PFKP: variants seen among roughly 807,000 people sequenced by gnomAD.
The protein encoded by PFKP is phosphofructokinase, platelet, also known as ATP-dependent 6-phosphofructokinase, platelet type.
A neutral mutation model predicts 94.3 loss-of-function variants in PFKP; 101 were observed. That is an observed-to-expected ratio of 1.07 (90% CI 0.91 to 1.26). PFKP has a LOEUF of 1.26. PFKP is among the 50% of genes most tolerant of loss of function. The pLI is 0.00. For missense variants in PFKP, 1,145 were observed against 1,103.3 expected, an observed-to-expected ratio of 1.04 and a Z score of -0.53; for synonymous variants, 573 against 432.6, an observed-to-expected ratio of 1.32 and a Z score of -4.03.
chr10:3,089,088 C>T (rs183970082), intron 2 of PFKP, among the ~76,000 whole-genome samples: 113 of 152,266 alleles, frequency 7.4e-4, no homozygotes, highest in Admixed American at 4.1e-3. Context: ...CCCACCACCA[C>T]GCCTGGCTAA....
chr10:3,116,742 A>C, intron 13 of PFKP, 34 bp from the exon 14 acceptor site: 1 of 1,546,302 alleles, frequency 6.5e-7, no homozygotes, highest in Non-Finnish European at 8.9e-7. Flanking sequence ...TTCATTGTTC[A>C]CTTTAGCTGT....
At chr10:3,106,432 C>T (rs1235931368) in intron 7 of PFKP, among the ~76,000 whole-genome samples, 1 of 145,804 alleles carries the variant, frequency 6.9e-6, no homozygotes, top group African/African-American at 2.5e-5. Context: ...GCCTGTGGGG[C>T]GTCCACCTGT....
chr10:3,126,728 T>G (rs1837987526), intron 16 of PFKP, among the ~76,000 whole-genome samples: 2 of 152,264 alleles, frequency 1.3e-5, no homozygotes, highest in African/African-American at 2.4e-5. Context: ...CCACCTTTTC[T>G]TTCACCACCA....
intron 2 of PFKP, among the ~76,000 whole-genome samples, chr10:3,089,209 C>T (rs1361932218): frequency 6.6e-6 from 1 of 152,184 alleles, no homozygotes; most frequent in East Asian, 1.9e-4. Context: ...GCCGGGATTA[C>T]AAGCATGAAC....
chr10:3,136,655 C>G lies in PFKP; in HGVS notation c.*76C>G, dbSNP rs576412352. 6.0e-6 allele frequency: 9 copies of G among 1,504,580 alleles called. No homozygotes were observed. In the Admixed American group the frequency reaches 7.2e-5, roughly 12 times the overall value. 93.2% of individuals were successfully genotyped at this position (1,504,580 alleles called of 1,614,324 possible). The stretch of plus-strand genomic sequence containing the variant: ...TAACACTTAAGTTATTTTATCAGCA[C>G]TTTATGCACGTATTATTGACATTAA... On this transcript the variant is annotated 3_prime_UTR_variant, in exon 22 of 22. Coordinates refer to ENST00000381125, the MANE Select transcript of PFKP (RefSeq NM_002627.5).
rs200148092 is a variant in PFKP, at chr10:3,077,468, C to G, written c.113-4920C>G. Among the ~76,000 whole-genome samples, 963 of 151,620 alleles carry G rather than the reference C, an allele frequency of 6.4e-3. 3 individuals are homozygous for G. The highest frequency in any genetic ancestry group is 0.013 in the South Asian group (64 of 4,796). The stretch of plus-strand genomic sequence containing the variant: ...TTTTTAGTAGAGATGGGGTTTCACC[C>G]TGTTAGCCAGGATGGTCTCGATCTC... On this transcript the variant is annotated intron_variant, in intron 1 of 21. Coordinates refer to ENST00000381125, the MANE Select transcript of PFKP (RefSeq NM_002627.5).
intron 1 of PFKP, among the ~76,000 whole-genome samples, chr10:3,077,316 T>C (rs7079667): frequency 0.041 from 5,583 of 136,004 alleles, 130 homozygotes; most frequent in Non-Finnish European, 0.055. Context: ...GGCTGGAGTG[T>C]AGTGGCGCAA....
chr10:3,132,640 TTA>T lies in PFKP; in HGVS notation c.1910+202_1910+203del, dbSNP rs1838724556. Among the ~76,000 whole-genome samples the T allele has an allele frequency of 5.9e-5, 9 of 152,318 alleles. No homozygotes were observed. In the South Asian group the frequency reaches 1.7e-3, roughly 28 times the overall value. On this transcript the variant is annotated intron_variant, in intron 18 of 21. Coordinates refer to ENST00000381125, the MANE Select transcript of PFKP (RefSeq NM_002627.5). Reference sequence around the variant, plus strand: ...CATTTAGACAACTAATATTTTTGCTTTATAGTCTCTTATTCTTTGATATCTTG... The same window carrying T: ...CATTTAGACAACTAATATTTTTGCTTTAGTCTCTTATTCTTTGATATCTTG...
rs1800624863 is a variant in PFKP at position 3,118,836 on chromosome 10, C to T, written c.1497C>T (p.Ser499=). ...TCGCCACACAGATGCGCACGCACAGCATCAACGCGCTGCTGATCATCGGTG... is the reference window on the plus strand; with the variant it reads ...TCGCCACACAGATGCGCACGCACAGTATCAACGCGCTGCTGATCATCGGTG... ...EEIATQMRTH[S]INALLIIGGF... Residue 499 remains serine (S), a synonymous_variant, in exon 15 of 22, where the codon AGC becomes AGT. Coordinates refer to ENST00000381125, the MANE Select transcript of PFKP (RefSeq NM_002627.5). 1.2e-6 allele frequency: 2 copies of T among 1,613,572 alleles called. No homozygotes were observed.
At chr10:3,116,182 G>A (rs1490404149) in intron 13 of PFKP, among the ~76,000 whole-genome samples, 1 of 151,814 alleles carries the variant, frequency 6.6e-6, no homozygotes, top group East Asian at 1.9e-4. Context: ...ACCTTTTGAT[G>A]TAGAATGATC....
At chr10:3,086,658 G>A (rs1005956598) in intron 2 of PFKP, among the ~76,000 whole-genome samples, 20 of 152,094 alleles carry the variant, frequency 1.3e-4, no homozygotes, top group African/African-American at 4.6e-4. Flanking sequence ...TAAACCAAGC[G>A]CACACTGTGT....
At chr10:3,122,182 C>G (rs1446459443) in intron 16 of PFKP, among the ~76,000 whole-genome samples, 1 of 151,974 alleles carries the variant, frequency 6.6e-6, no homozygotes. Context: ...GTTGAGCCTC[C>G]CGTTGGCCAG....
At chr10:3,129,556 G>A in intron 16 of PFKP, 2 of 482,602 alleles carry the variant, frequency 4.1e-6, no homozygotes, top group East Asian at 3.9e-5. Flanking sequence ...TGGGAGAAGG[G>A]AGCGGCAGAT....
intron 10 of PFKP, among the ~76,000 whole-genome samples, chr10:3,110,340 A>AG (rs1288055719): frequency 6.7e-6 from 1 of 149,062 alleles, no homozygotes; most frequent in African/African-American, 2.5e-5. Context: ...CTGGGACTAC[A>AG]GGTGCCCACC....
At chr10:3,109,204 T>G in intron 9 of PFKP, 151 bp from the exon 10 acceptor site, 1 of 978,044 alleles carries the variant, frequency 1.0e-6, no homozygotes, top group Non-Finnish European at 1.6e-6. Context: ...TCTAAAGGAG[T>G]GGAAATCGCT....
At chr10:3,102,273 A>AAAAAAAAAAT (rs57186941) in intron 4 of PFKP, among the ~76,000 whole-genome samples, 1 of 142,120 alleles carries the variant, frequency 7.0e-6, no homozygotes, top group Non-Finnish European at 1.5e-5. Context: ...AAAAAAAAAA[A>AAAAAAAAAAT]CTGAAGTTGC....
At chr10:3,071,868 A>C (rs1458071634) in intron 1 of PFKP, among the ~76,000 whole-genome samples, 1 of 152,196 alleles carries the variant, frequency 6.6e-6, no homozygotes, top group Non-Finnish European at 1.5e-5. Context: ...GGCCTCAGTG[A>C]TCCTGGGCAA....
intron 16 of PFKP, chr10:3,125,177 C>G (rs1352612195): frequency 1.2e-5 from 16 of 1,349,396 alleles, no homozygotes; most frequent in Non-Finnish European, 1.5e-5. Context: ...TGGTGCCGGC[C>G]ACGATTAGCA....
At chr10:3,117,786 T>C (rs1002952466) in intron 14 of PFKP, among the ~76,000 whole-genome samples, 5 of 152,170 alleles carry the variant, frequency 3.3e-5, no homozygotes, top group Non-Finnish European at 5.9e-5. Flanking sequence ...GGCCAGGGCG[T>C]TGCTCTCGAA....
Sources: gnomAD v4.1 joint callset for allele counts (sites outside exome capture counted in the v4.1 genomes callset) on GRCh38, gnomAD v4.1.1 for gene constraint, MANE v1.5 for transcripts, NCBI Gene and HGNC (gene_info 2026-07-23, HGNC 2026-07-21) for gene names.